Variants in SYNPO2 observed in about 807,000 individuals in gnomAD.
The protein encoded by SYNPO2 is synaptopodin-2.
A neutral mutation model predicts 85.0 loss-of-function variants in SYNPO2; 56 were observed. That is an observed-to-expected ratio of 0.66 (90% confidence interval 0.53 to 0.82). The LOEUF is 0.82. SYNPO2 is among the 40% of genes least tolerant of loss of function. The pLI is 0.00. For synonymous variants in SYNPO2, 602 were observed against 591.1 expected (o/e 1.02, Z -0.27); for missense variants, 1,575 against 1,534.2 (o/e 1.03, Z -0.44).
chr4:118,921,716 T>G (rs903216277), intron 1 of SYNPO2, among the ~76,000 whole-genome samples: 1 of 152,084 alleles, frequency 6.6e-6, no homozygotes, highest in Non-Finnish European at 1.5e-5. Flanking sequence ...TGCCTTATCT[T>G]TCTATTGCCA....
At chr4:118,874,643 T>C (rs1731868545) in intron 1 of SYNPO2, among the ~76,000 whole-genome samples, 1 of 152,116 alleles carries the variant, frequency 6.6e-6, no homozygotes, top group African/African-American at 2.4e-5. Context: ...AAAGAGTAGA[T>C]AGAGGCTTTG....
Position 119,030,615 on chromosome 4 carries a change from G to T in SYNPO2, c.1840G>T (p.Ala614Ser). 6.2e-7 allele frequency: 1 copy of T among 1,614,088 alleles called. No individual in the cohort carries two copies. The highest frequency in any genetic ancestry group is 8.5e-7 in the Non-Finnish European group (1 of 1,180,024). The part of the protein sequence containing the change: ...SPTRNMTSPI[A>S]DFPAPPPYSA... ...AACCCGAAACATGACGAGTCCCATTGCTGACTTTCCTGCACCTCCACCTTA... is the reference window on the plus strand; with the variant it reads ...AACCCGAAACATGACGAGTCCCATTTCTGACTTTCCTGCACCTCCACCTTA... Residue 614 changes from alanine to serine, a missense_variant, in exon 4 of 5, where the codon GCT becomes TCT. Transcript: ENST00000307142.
chr4:118,857,628 G>GT (rs1483111824), intron 1 of SYNPO2, among the ~76,000 whole-genome samples: 32 of 152,106 alleles, frequency 2.1e-4, no homozygotes, highest in Non-Finnish European at 3.4e-4. Context: ...AACATTTAGA[G>GT]TTTTTTCACA....
At position 119,005,426 on chromosome 4, in the gene SYNPO2, A is replaced by C. The variant is rs185391041; in HGVS notation, c.106-18004A>C. ...TGTTTAAGGTGTAAGGAAGGGATCC[A>C]GTTTCAGCTTTCTACATATGGCTAG... On this transcript the variant is annotated intron_variant, in intron 1 of 4. Coordinates refer to ENST00000307142, the MANE Select transcript of SYNPO2 (RefSeq NM_133477.3). Among the ~76,000 whole-genome samples, 252 of 151,668 alleles carry C rather than the reference A, an allele frequency of 1.7e-3. 6 individuals are homozygous for C. The East Asian group carries it at 0.04, about 24-fold the overall frequency.
chr4:118,890,693 C>T lies in SYNPO2; in HGVS notation c.105+1552C>T, dbSNP rs147628069. On this transcript the variant is annotated intron_variant, in intron 1 of 4. Transcript: ENST00000307142. ...AAATCTCTCACCCTTCCTGTCTCAT[C>T]GGTTTCTCTCTCTCTCTCTCTCTCT... Among the ~76,000 whole-genome samples the T allele has an allele frequency of 3.3e-3, 466 of 142,136 alleles. 10 individuals carry two copies. Among genetic ancestry groups the T allele is most frequent in the Admixed American group, 0.03 (408 of 13,698 alleles). 93.2% of individuals were successfully genotyped at this position (142,136 alleles called of 152,430 possible).
chr4:118,860,687 C>T (rs1731593520), intron 1 of SYNPO2, among the ~76,000 whole-genome samples: 1 of 151,530 alleles, frequency 6.6e-6, no homozygotes, highest in African/African-American at 2.4e-5. Context: ...ACCCTAGTAG[C>T]TGAGACTACA....
intron 1 of SYNPO2, among the ~76,000 whole-genome samples, chr4:118,864,246 A>G (rs1418237177): frequency 2.0e-5 from 3 of 152,064 alleles, no homozygotes; most frequent in East Asian, 1.9e-4. Context: ...TTTAATTTCC[A>G]TGTGTTTGTA....
intron 1 of SYNPO2, among the ~76,000 whole-genome samples, chr4:118,937,940 A>G (rs1734163961): frequency 6.6e-6 from 1 of 152,192 alleles, no homozygotes; most frequent in South Asian, 2.1e-4. Flanking sequence ...AATCATTTCT[A>G]GTTACTTATA....
intron 4 of SYNPO2, among the ~76,000 whole-genome samples, chr4:119,050,259 G>A (rs1738993622): frequency 6.6e-6 from 1 of 151,940 alleles, no homozygotes; most frequent in South Asian, 2.1e-4. Context: ...TTCAACCCGG[G>A]AGGCAGAGGT....
At chr4:118,871,697 T>C (rs1388588336) in intron 1 of SYNPO2, among the ~76,000 whole-genome samples, 1 of 151,856 alleles carries the variant, frequency 6.6e-6, no homozygotes. Flanking sequence ...ACCTCCCGAG[T>C]TGCTGGGACT....
chr4:119,057,981 A>C lies in SYNPO2; in HGVS notation c.*47A>C. 6.9e-7 allele frequency: 1 copy of C among 1,454,350 alleles called. No homozygotes were observed. The highest frequency in any genetic ancestry group is 9.3e-7 in the Non-Finnish European group (1 of 1,073,370). The allele number at this position is 1,454,350 out of a possible 1,614,324, so 90.1% of individuals were successfully genotyped here. On this transcript the variant is annotated 3_prime_UTR_variant, in exon 5 of 5. Transcript: ENST00000307142. ...TGCCAACTGTAGTTTTTTAAAAAAA[A>C]CGCTCCTTTGTAGGGTTTTAAACTT...
Position 119,057,475 on chromosome 4 carries a change from G to A in SYNPO2, c.3327G>A (p.Gln1109=), listed in dbSNP as rs758803711. 26 of 1,613,960 alleles carry A rather than the reference G, an allele frequency of 1.6e-5. No individual in the cohort carries two copies. In the East Asian group the frequency reaches 5.8e-4, roughly 36 times the overall value. ...TTTCTACATCTCCTTGGGTATACCA[G>A]CCTACTTATAGTTACTCTAGTAAAC... ...PPISTSPWVY[Q]PTYSYSSKPT... The change falls in exon 5 of 5, where the codon CAG becomes CAA. Residue 1109 remains glutamine (Q), a synonymous_variant. Coordinates refer to ENST00000307142, the MANE Select transcript of SYNPO2 (RefSeq NM_133477.3).
chr4:119,035,356 T>C (rs1289828525), intron 4 of SYNPO2: 1 of 985,270 alleles, frequency 1.0e-6, no homozygotes, highest in Non-Finnish European at 1.2e-6. Flanking sequence ...GAGGGCAGAG[T>C]GAATCCCAGA....
At chr4:118,969,089 A>T (rs1735428349) in intron 1 of SYNPO2, among the ~76,000 whole-genome samples, 1 of 152,214 alleles carries the variant, frequency 6.6e-6, no homozygotes, top group African/African-American at 2.4e-5. Context: ...ACGAATCATT[A>T]GTTAACCTCA....
intron 1 of SYNPO2, among the ~76,000 whole-genome samples, chr4:118,881,253 G>A (rs1732087724): frequency 1.3e-5 from 2 of 149,236 alleles, no homozygotes; most frequent in Non-Finnish European, 3.0e-5. Context: ...AGGGAGCCGA[G>A]ATCGCACCAC....
chr4:118,989,760 G>A (rs1376694402), intron 1 of SYNPO2, among the ~76,000 whole-genome samples: 1 of 152,192 alleles, frequency 6.6e-6, no homozygotes, highest in African/African-American at 2.4e-5. Flanking sequence ...AGAAATAAGT[G>A]GATGTACTAA....
rs1357526819 is a variant in SYNPO2, at chr4:119,021,034, CA to C, written c.106-2391del. Among the ~76,000 whole-genome samples, 3 of 151,854 alleles carry C rather than the reference CA, an allele frequency of 2.0e-5. No homozygotes were observed. In the East Asian group the frequency reaches 5.8e-4, roughly 29 times the overall value. ...TGTTTTCCAATAAATTAGTATATTC[CA>C]AAAATAAATTATATTTTCCAATAAA... On this transcript the variant is annotated intron_variant, in intron 1 of 4. Coordinates refer to ENST00000307142, the MANE Select transcript of SYNPO2 (RefSeq NM_133477.3).
intron 1 of SYNPO2, among the ~76,000 whole-genome samples, chr4:118,878,273 A>C (rs1239568235): frequency 6.6e-6 from 1 of 152,222 alleles, no homozygotes; most frequent in Non-Finnish European, 1.5e-5. Flanking sequence ...TACCTGGGTG[A>C]CAAAATAATC....
intron 1 of SYNPO2, among the ~76,000 whole-genome samples, chr4:118,866,774 A>G (rs1198314263): frequency 6.6e-6 from 1 of 152,066 alleles, no homozygotes; most frequent in Non-Finnish European, 1.5e-5. Flanking sequence ...CCATGTGAAG[A>G]TGTGCTTGCT....
Sources: gnomAD v4.1 joint callset for allele counts (sites outside exome capture counted in the v4.1 genomes callset) on GRCh38, gnomAD v4.1.1 for gene constraint, MANE v1.5 for transcripts, NCBI Gene and HGNC (gene_info 2026-07-23, HGNC 2026-07-21) for gene names.